The following ICA1L variants were observed in gnomAD, a reference collection of about 807,000 sequenced individuals.
ICA1L encodes the protein islet cell autoantigen 1-like protein.
ICA1L carries 50 observed loss-of-function variants against 61.3 expected under a neutral mutation model. The ratio of observed to expected loss-of-function variants is 0.82; its 90% CI spans 0.65 to 1.03. ICA1L has a LOEUF of 1.03. ICA1L is among the 50% of genes least tolerant of loss of function. ICA1L has a pLI of 0.00. For missense variants in ICA1L, 508 were observed against 556.7 expected (o/e 0.91, Z 0.88); for synonymous variants, 161 against 191.3 (o/e 0.84, Z 1.31).
Position 202,776,035 on chromosome 2 carries a change from C to CGAAGGAAG in ICA1L, c.*3497_*3498insCTTCCTTC. Reference sequence around the variant, plus strand: ...GAAAAATAGATAGAGCACATGTAAACTTCCTTCGTTCTAATGCTGTAAGAC... The same window carrying CGAAGGAAG: ...GAAAAATAGATAGAGCACATGTAAACGAAGGAAGTTCCTTCGTTCTAATGCTGTAAGAC... On this transcript the variant is annotated 3_prime_UTR_variant, in exon 13 of 13. Transcript: ENST00000358299. 6.6e-6 allele frequency: 1 copy of CGAAGGAAG among 152,202 alleles called. No individual in the cohort carries two copies. The allele number at this position is 152,202 out of a possible 1,614,324, so 9.4% of individuals were successfully genotyped here.
intron 1 of ICA1L, among the ~76,000 whole-genome samples, chr2:202,857,728 T>G (rs1694804709): frequency 6.6e-6 from 1 of 152,130 alleles, no homozygotes; most frequent in South Asian, 2.1e-4. Flanking sequence ...TCTATCCTTC[T>G]GACAAAGGTC....
Position 202,779,561 on chromosome 2 carries a change from T to C in ICA1L, c.1421A>G (p.His474Arg). ...DPLSNPDAIG[H>R]SDDELLNA ...AGCATTAAGAAGTTCATCATCTGAGTGTCCAATAGCATCTGGGTTTGAAAG... is the reference window on the plus strand; with the variant it reads ...AGCATTAAGAAGTTCATCATCTGAGCGTCCAATAGCATCTGGGTTTGAAAG... Residue 474 changes from histidine to arginine, a missense_variant, in exon 13 of 13, where the codon CAC becomes CGC. Coordinates refer to ENST00000358299, the MANE Select transcript of ICA1L (RefSeq NM_001288622.3). The C allele has an allele frequency of 6.2e-7, 1 of 1,610,444 alleles. No homozygotes were observed. Among genetic ancestry groups the C allele is most frequent in the Non-Finnish European group, 8.5e-7 (1 of 1,177,354 alleles).
chr2:202,852,381 C>A (rs1248762712), intron 1 of ICA1L, among the ~76,000 whole-genome samples: 1 of 152,032 alleles, frequency 6.6e-6, no homozygotes. Flanking sequence ...TAAAAGTGCT[C>A]CCATTTCAGC....
chr2:202,824,911 A>G (rs1693795056), intron 3 of ICA1L, among the ~76,000 whole-genome samples: 1 of 152,226 alleles, frequency 6.6e-6, no homozygotes. Flanking sequence ...AGGAAATAAT[A>G]AATGTGTTAA....
chr2:202,864,187 C>T (rs1346100138), intron 1 of ICA1L, among the ~76,000 whole-genome samples: 1 of 152,096 alleles, frequency 6.6e-6, no homozygotes, highest in African/African-American at 2.4e-5. Flanking sequence ...ATTTTATGAG[C>T]CAGCATAACT....
chr2:202,774,480 T>C lies in ICA1L; in HGVS notation c.*5053A>G. ...AACTTTTTCTTTCATGTTTTTTGTA[T>C]GTGTTTTTTTAGGTTATGGTCAGTG... On this transcript the variant is annotated 3_prime_UTR_variant, in exon 13 of 13. Transcript: ENST00000358299. 2.1e-6 allele frequency: 1 copy of C among 478,416 alleles called. No homozygotes were observed. The highest frequency in any genetic ancestry group is 3.4e-5 in the South Asian group (1 of 29,558). 29.6% of individuals were successfully genotyped at this position (478,416 alleles called of 1,614,324 possible).
rs376621608 is a variant in ICA1L at position 202,813,196 on chromosome 2, G to A, written c.867-1407C>T. ...AATCACTTGAACCTGGGAGGGGGAG[G>A]TGGCAGTGAGCTGAGATTGTGCCAC... On this transcript the variant is annotated intron_variant, in intron 8 of 12. Coordinates refer to ENST00000358299, the MANE Select transcript of ICA1L (RefSeq NM_001288622.3). 3.8e-4 allele frequency among the ~76,000 whole-genome samples: 57 copies of A among 151,468 alleles called. 1 individual carries two copies. Among genetic ancestry groups the A allele is most frequent in the African/African-American group, 1.2e-3 (51 of 41,278 alleles).
intron 9 of ICA1L, among the ~76,000 whole-genome samples, chr2:202,810,644 G>A (rs975360326): frequency 2.8e-5 from 4 of 141,234 alleles, no homozygotes; most frequent in Non-Finnish European, 4.4e-5. Context: ...CAGGGAACAA[G>A]AGAGATAACC....
At chr2:202,802,177 A>G (rs1693102821) in intron 9 of ICA1L, among the ~76,000 whole-genome samples, 1 of 152,234 alleles carries the variant, frequency 6.6e-6, no homozygotes, top group Non-Finnish European at 1.5e-5. Context: ...TGTTGGGGAA[A>G]GAATCCTCGA....
rs1257157571 is a variant in ICA1L, at chr2:202,773,585, C to T, written c.*5948G>A. ...ATAAAAGAAGCGTCTGCAACTTAAGCCGTCCACAGTCCTAAGCCTGATATG... is the reference window on the plus strand; with the variant it reads ...ATAAAAGAAGCGTCTGCAACTTAAGTCGTCCACAGTCCTAAGCCTGATATG... On this transcript the variant is annotated 3_prime_UTR_variant, in exon 13 of 13. Transcript: ENST00000358299. The T allele has an allele frequency of 8.4e-6, 4 of 475,536 alleles. No individual in the cohort carries two copies. In the Admixed American group the frequency reaches 1.1e-4, roughly 13 times the overall value. The allele number at this position is 475,536 out of a possible 1,614,324, so 29.5% of individuals were successfully genotyped here. A position where few individuals can be genotyped will look rare whatever the true frequency, so the allele number is the denominator to read the frequency against.
In ICA1L at chr2:202,833,293, G is replaced by T. The variant is rs1248352864; in HGVS notation, c.-7-4277C>A. On this transcript the variant is annotated intron_variant, in intron 1 of 12. Coordinates refer to ENST00000358299, the MANE Select transcript of ICA1L (RefSeq NM_001288622.3). The stretch of plus-strand genomic sequence containing the variant: ...CTACTGAAACTGTCCTTTTAAAAAT[G>T]AAAGTAGTGGGAGCACAGTGGCTCA... 2.0e-5 allele frequency among the ~76,000 whole-genome samples: 3 copies of T among 152,178 alleles called. No homozygotes were observed. The South Asian group carries it at 6.2e-4, about 31-fold the overall frequency.
chr2:202,815,858 C>A, intron 7 of ICA1L, 53 bp downstream of exon 7: 1 of 1,012,548 alleles, frequency 9.9e-7, no homozygotes, highest in Non-Finnish European at 1.4e-6. Flanking sequence ...TCAATGTTAT[C>A]ACCCAAATGA....
At chr2:202,828,280 A>C (rs189585527) in intron 2 of ICA1L, among the ~76,000 whole-genome samples, 5,834 of 144,430 alleles carry the variant, frequency 0.04, 364 homozygotes, top group African/African-American at 0.14. Flanking sequence ...AAAAAAAAAA[A>C]CAGACTTTTT....
rs952664928 is a variant in ICA1L at position 202,786,506 on chromosome 2, G to T, written c.1244-499C>A. On this transcript the variant is annotated intron_variant, in intron 11 of 12. Transcript: ENST00000358299. ...GGAGCTTGCAGTGAGCCGAGATTGC[G>T]CCACTGCAGTCCGCAGTCCGGCCTG... Among the ~76,000 whole-genome samples, 3 of 152,020 alleles carry T rather than the reference G, an allele frequency of 2.0e-5. No homozygotes were observed. The South Asian group carries it at 6.2e-4, about 32-fold the overall frequency.
At chr2:202,843,408 T>A (rs528360168) in intron 1 of ICA1L, among the ~76,000 whole-genome samples, 5 of 152,150 alleles carry the variant, frequency 3.3e-5, no homozygotes, top group Admixed American at 6.5e-5. Context: ...GCAACCAACG[T>A]TCTGAGTTTC....
At chr2:202,792,648 T>C (rs1028537042) in intron 10 of ICA1L, among the ~76,000 whole-genome samples, 8 of 151,554 alleles carry the variant, frequency 5.3e-5, no homozygotes, top group Middle Eastern at 3.4e-3. Flanking sequence ...ACTAAAAATA[T>C]AGAACAAATT....
At chr2:202,821,130 A>T (rs1349873978) in intron 4 of ICA1L, among the ~76,000 whole-genome samples, 1 of 152,190 alleles carries the variant, frequency 6.6e-6, no homozygotes, top group Non-Finnish European at 1.5e-5. Context: ...ATACAGGCCT[A>T]AAGGTTATTT....
intron 1 of ICA1L, among the ~76,000 whole-genome samples, chr2:202,836,617 A>G (rs369338325): frequency 6.6e-6 from 1 of 152,006 alleles, no homozygotes; most frequent in African/African-American, 2.4e-5. Flanking sequence ...CAGTAGTGGC[A>G]TCATCAAGTT....
At position 202,844,878 on chromosome 2, in the gene ICA1L, T is replaced by C. The variant is rs1158277455; in HGVS notation, c.-7-15862A>G. On this transcript the variant is annotated intron_variant, in intron 1 of 12. Coordinates refer to ENST00000358299, the MANE Select transcript of ICA1L (RefSeq NM_001288622.3). ...TGGAGGTCAGAGTCCTAAAATAAAG[T>C]TGTCAGACGGCTGCATTTCTTCTGG... is the stretch of plus-strand genomic sequence containing the variant. 2.6e-5 allele frequency among the ~76,000 whole-genome samples: 4 copies of C among 152,336 alleles called. No individual in the cohort carries two copies. The East Asian group carries it at 7.7e-4, about 29-fold the overall frequency.
Sources: allele counts gnomAD v4.1 joint callset (sites outside exome capture counted in the v4.1 genomes callset), GRCh38; gene constraint gnomAD v4.1.1; transcripts MANE v1.5; gene names NCBI Gene and HGNC (gene_info 2026-07-23, HGNC 2026-07-21).